The following SMG1 variants were observed in gnomAD, a reference collection of about 807,000 sequenced individuals.
SMG1 encodes serine/threonine-protein kinase SMG1.
In SMG1, 22 loss-of-function variants were observed where a neutral mutation model predicts 419.9. The ratio of observed to expected loss-of-function variants is 0.05; its 90% CI spans 0.04 to 0.07. SMG1 has a LOEUF of 0.07. Among genes scored for constraint, SMG1 ranks in the 10% least tolerant of loss-of-function variants. SMG1 has a pLI of 1.00. For synonymous variants in SMG1, 1,538 were observed against 1,553.5 expected, an observed-to-expected ratio of 0.99 and a Z score of 0.23; for missense variants, 3,185 against 4,342.0, an observed-to-expected ratio of 0.73 and a Z score of 7.49.
rs1370635783 is a variant in SMG1 at position 18,848,158 on chromosome 16, G to C, written c.5624-125C>G. 8.2e-6 allele frequency: 6 copies of C among 735,592 alleles called. 1 individual carries two copies. Among genetic ancestry groups the C allele is most frequent in the South Asian group, 5.5e-5 (3 of 54,978 alleles). 45.6% of individuals were successfully genotyped at this position (735,592 alleles called of 1,614,324 possible). On this transcript the variant is annotated intron_variant, in intron 36 of 62. Coordinates refer to ENST00000446231, the MANE Select transcript of SMG1 (RefSeq NM_015092.5). ...CTCATTGAACTCATTTGCCTTCCAG[G>C]CATAGAACTGATTAAAGATTGTGGA...
chr16:18,875,952 T>C, intron 13 of SMG1, 172 bp downstream of exon 13: 1 of 669,316 alleles, frequency 1.5e-6, no homozygotes, highest in South Asian at 2.2e-5. Context: ...TTAAATATAA[T>C]GCCAAGAAAA....
intron 57 of SMG1, 136 bp downstream of exon 57, chr16:18,817,155 C>T: frequency 1.8e-6 from 1 of 555,212 alleles, no homozygotes; most frequent in Middle Eastern, 5.2e-4. Context: ...TTAATCATCA[C>T]TGTCCCCCCG....
rs1053788727 is a variant in SMG1, at chr16:18,890,591, A to G, written c.608+272T>C. Reference sequence around the variant, plus strand: ...CTTGAACCCGAGAGGTGGAGGTTGCAGTGAGCTGAGATCGCACCACTGCAC... The same window carrying G: ...CTTGAACCCGAGAGGTGGAGGTTGCGGTGAGCTGAGATCGCACCACTGCAC... On this transcript the variant is annotated intron_variant, in intron 5 of 62. Coordinates refer to ENST00000446231, the MANE Select transcript of SMG1 (RefSeq NM_015092.5). 2.6e-5 allele frequency among the ~76,000 whole-genome samples: 4 copies of G among 152,256 alleles called. No homozygotes were observed. The South Asian group carries it at 8.3e-4, about 32-fold the overall frequency.
At chr16:18,836,315 A>G in intron 47 of SMG1, 45 bp downstream of exon 47, 1 of 1,600,296 alleles carries the variant, frequency 6.2e-7, no homozygotes, top group Non-Finnish European at 8.5e-7. Flanking sequence ...CATGACTATA[A>G]AACTCATAGT....
At position 18,858,306 on chromosome 16, in the gene SMG1, C is replaced by T. The variant is rs1412267753; in HGVS notation, c.4114-16G>A. 2 of 1,575,612 alleles carry T rather than the reference C, an allele frequency of 1.3e-6. No individual in the cohort carries two copies. The highest frequency in any genetic ancestry group is 2.2e-5 in the East Asian group (1 of 44,518). The stretch of plus-strand genomic sequence containing the variant: ...TAAGACAGTCCTGCCAGAGAAAAAC[C>T]AAAATTACTCAACATAAAACAGGCT... On this transcript the variant is annotated splice_polypyrimidine_tract_variant and intron_variant, in intron 28 of 62. Transcript: ENST00000446231.
At chr16:18,814,058 TA>T (rs1258798212) in intron 60 of SMG1, among the ~76,000 whole-genome samples, 202 of 124,228 alleles carry the variant, frequency 1.6e-3, no homozygotes, top group East Asian at 0.01. Context: ...TAAATTAAAT[TA>T]AAAAAAAATA....
chr16:18,877,083 T>C (rs1360656582), intron 12 of SMG1, 48 bp downstream of exon 12: 1 of 1,381,776 alleles, frequency 7.2e-7, no homozygotes, highest in African/African-American at 1.4e-5. Flanking sequence ...TAGGTCCAAC[T>C]CTTCAGTGAC....
At chr16:18,837,114 T>C (rs1596490570) in intron 46 of SMG1, 139 bp downstream of exon 46, 3 of 763,494 alleles carry the variant, frequency 3.9e-6, no homozygotes, top group East Asian at 5.5e-5. Flanking sequence ...TTACTAACAC[T>C]TTGAAGTTGC....
chr16:18,924,683 A>T (rs943383306), intron 1 of SMG1, among the ~76,000 whole-genome samples: 2 of 152,214 alleles, frequency 1.3e-5, no homozygotes, highest in African/African-American at 4.8e-5. Flanking sequence ...ACGACTAAAC[A>T]TCTCAATTCT....
intron 42 of SMG1, among the ~76,000 whole-genome samples, chr16:18,839,264 T>A (rs944465443): frequency 1.3e-5 from 2 of 152,056 alleles, no homozygotes; most frequent in African/African-American, 4.8e-5. Context: ...GTCACTGGGG[T>A]TTGATGTACA....
At chr16:18,921,903 T>C (rs1178457248) in intron 1 of SMG1, among the ~76,000 whole-genome samples, 2 of 152,222 alleles carry the variant, frequency 1.3e-5, no homozygotes, top group African/African-American at 2.4e-5. Context: ...GGTCTTTTTA[T>C]TATACAGTTT....
Position 18,809,378 on chromosome 16 carries a change from T to C in SMG1, c.*191A>G, listed in dbSNP as rs2031155809. The C allele has an allele frequency of 1.7e-6, 1 of 588,152 alleles. No homozygotes were observed. Among genetic ancestry groups the C allele is most frequent in the East Asian group, 2.9e-5 (1 of 34,652 alleles). 36.4% of individuals were successfully genotyped at this position (588,152 alleles called of 1,614,324 possible). ...GACCCTGGGGTTGCAGGCCATGGTG[T>C]TGGGCGTATCCCTGAGTGCAGCTGT... On this transcript the variant is annotated 3_prime_UTR_variant, in exon 63 of 63. Coordinates refer to ENST00000446231, the MANE Select transcript of SMG1 (RefSeq NM_015092.5).
chr16:18,841,516 CATA>C (rs1567349632), intron 41 of SMG1, 46 bp downstream of exon 41: 5 of 1,553,736 alleles, frequency 3.2e-6, no homozygotes, highest in East Asian at 4.5e-5. Context: ...AAGTATTTCA[CATA>C]ATAACAGAGA....
intron 51 of SMG1, 89 bp downstream of exon 51, chr16:18,832,851 A>C: frequency 8.5e-7 from 1 of 1,175,510 alleles, no homozygotes; most frequent in South Asian, 1.3e-5. Context: ...TAAAAACTAA[A>C]AGTAAACTTA....
intron 56 of SMG1, among the ~76,000 whole-genome samples, chr16:18,818,643 G>C (rs2141131720): frequency 6.6e-6 from 1 of 152,280 alleles, no homozygotes; most frequent in African/African-American, 2.4e-5. Flanking sequence ...GGATTAGGGA[G>C]TATGGGTGAA....
chr16:18,855,335 G>A (rs527568824), intron 29 of SMG1, among the ~76,000 whole-genome samples: 1 of 152,066 alleles, frequency 6.6e-6, no homozygotes, highest in East Asian at 1.9e-4. Context: ...TTAAACACCA[G>A]TGCTCCTTGG....
rs529138668 is a variant in SMG1 at position 18,838,049 on chromosome 16, G to A, written c.7378C>T (p.Arg2460Cys). The change falls in exon 45 of 63, where the codon CGC becomes TGC. Residue 2460 changes from arginine to cysteine, a missense_variant. This residue lies in a region of SMG1 where 412 missense variants were observed against 546.6 expected (regional missense o/e 0.75). Coordinates refer to ENST00000446231, the MANE Select transcript of SMG1 (RefSeq NM_015092.5). ...SKREMEREIT[R>C]SLFSSRVAEI... ...GCTACTCTAGAAGAAAACAGGCTGC[G>A]GGTGATCTCTCGCTCCATCTCTCTC... The A allele has an allele frequency of 2.6e-5, 42 of 1,613,946 alleles. No homozygotes were observed. Among genetic ancestry groups the A allele is most frequent in the South Asian group, 7.7e-5 (7 of 91,084 alleles).
At chr16:18,902,482 C>A (rs1212432131) in intron 1 of SMG1, among the ~76,000 whole-genome samples, 1 of 152,088 alleles carries the variant, frequency 6.6e-6, no homozygotes, top group Non-Finnish European at 1.5e-5. Flanking sequence ...GCAGGCAGAT[C>A]ACTTGAGCTC....
At chr16:18,884,801 G>A (rs1227581223) in intron 8 of SMG1, 1 of 303,212 alleles carries the variant, frequency 3.3e-6, no homozygotes, top group African/African-American at 2.2e-5. Flanking sequence ...ATCTTCCATT[G>A]TCCACTTCAG....
Sources: allele counts gnomAD v4.1 joint callset (sites outside exome capture counted in the v4.1 genomes callset), GRCh38; gene constraint gnomAD v4.1.1; regional missense constraint gnomAD v4.1.1; transcripts MANE v1.5; gene names NCBI Gene and HGNC (gene_info 2026-07-23, HGNC 2026-07-21).